The following DLG1 variants were observed in gnomAD, a reference collection of about 807,000 sequenced individuals.
DLG1 encodes discs large MAGUK scaffold protein 1.
A neutral mutation model predicts 123.4 loss-of-function variants in DLG1; 42 were observed. That is an observed-to-expected ratio of 0.34 (90% CI 0.27 to 0.44). The LOEUF (loss-of-function observed/expected upper bound fraction) is 0.44, where lower values mean the gene tolerates loss of function less well. Among genes scored for constraint, DLG1 ranks in the 20% least tolerant of loss-of-function variants. The pLI is 1.00. For synonymous variants in DLG1, 317 were observed against 356.2 expected (o/e 0.89, Z 1.24); for missense variants, 942 against 1,082.6 (o/e 0.87, Z 1.82).
intron 5 of DLG1, among the ~76,000 whole-genome samples, chr3:197,176,359 G>GGA (rs1561255521): frequency 6.6e-6 from 1 of 151,978 alleles, no homozygotes; most frequent in Non-Finnish European, 1.5e-5. Flanking sequence ...TGACTGTGGG[G>GGA]GCTGGATATT....
chr3:197,278,957 T>C (rs1404719937), intron 4 of DLG1, among the ~76,000 whole-genome samples: 1 of 152,238 alleles, frequency 6.6e-6, no homozygotes, highest in Non-Finnish European at 1.5e-5. Flanking sequence ...AGTACACAAG[T>C]ATAACCTAAA....
In DLG1 at chr3:197,210,552, A is replaced by C. The variant is rs1356867806; in HGVS notation, c.319-15963T>G. On this transcript the variant is annotated intron_variant, in intron 4 of 24. Transcript: ENST00000667157. ...GTTAGATGAAATCAAGAAATTCCCCAAAAAACACATCTTACCACACACCAT... is the reference window on the plus strand; with the variant it reads ...GTTAGATGAAATCAAGAAATTCCCCCAAAAACACATCTTACCACACACCAT... Among the ~76,000 whole-genome samples the C allele has an allele frequency of 2.8e-5, 4 of 144,008 alleles. 2 individuals carry two copies. The highest frequency in any genetic ancestry group is 3.9e-4 in the East Asian group (2 of 5,078). 94.5% of individuals were successfully genotyped at this position (144,008 alleles called of 152,430 possible). A position where few individuals can be genotyped will look rare whatever the true frequency, so the allele number is the denominator to read the frequency against.
intron 4 of DLG1, among the ~76,000 whole-genome samples, chr3:197,273,707 G>A (rs1377197072): frequency 6.6e-6 from 1 of 152,004 alleles, no homozygotes; most frequent in Non-Finnish European, 1.5e-5. Flanking sequence ...AGGGCTGAAA[G>A]GGGGGACTTG....
chr3:197,092,591 C>T (rs2149193873), intron 14 of DLG1, among the ~76,000 whole-genome samples: 1 of 152,172 alleles, frequency 6.6e-6, no homozygotes, highest in East Asian at 1.9e-4. Flanking sequence ...GGCTTGAGCT[C>T]CTGGGCTCAA....
chr3:197,061,879 T>C (rs900493459), intron 22 of DLG1, among the ~76,000 whole-genome samples: 1 of 152,360 alleles, frequency 6.6e-6, no homozygotes, highest in African/African-American at 2.4e-5. Flanking sequence ...CCTTTGTAAC[T>C]GATAAGTATT....
chr3:197,292,072 A>C (rs1047083539), intron 3 of DLG1, among the ~76,000 whole-genome samples: 2 of 152,202 alleles, frequency 1.3e-5, no homozygotes, highest in African/African-American at 4.8e-5. Context: ...GCCCTCAAAA[A>C]ATTAAAAATG....
chr3:197,297,662 C>G (rs897519908), intron 1 of DLG1: 1 of 991,916 alleles, frequency 1.0e-6, no homozygotes, highest in African/African-American at 1.7e-5. Context: ...GGGCCCCCTC[C>G]TCTCGCTTGC....
intron 14 of DLG1, among the ~76,000 whole-genome samples, chr3:197,099,014 AC>A (rs1479287884): frequency 2.6e-4 from 39 of 152,068 alleles, no homozygotes; most frequent in African/African-American, 9.2e-4. Flanking sequence ...TCCACATTTT[AC>A]CTATCCTGTG....
chr3:197,248,165 C>G lies in DLG1; in HGVS notation c.318+34514G>C, dbSNP rs1249397375. On this transcript the variant is annotated intron_variant, in intron 4 of 24. Transcript: ENST00000667157. ...ATACTTTACCACCCCTGCGGCTTTT[C>G]TTACCTTGGTATGTTCTGACCAAGA... is the stretch of plus-strand genomic sequence containing the variant. Among the ~76,000 whole-genome samples the G allele has an allele frequency of 3.9e-5, 6 of 152,200 alleles. No individual in the cohort carries two copies. In the South Asian group the frequency reaches 1.2e-3, roughly 32 times the overall value.
At chr3:197,214,776 A>C (rs1347750251) in intron 4 of DLG1, among the ~76,000 whole-genome samples, 3 of 152,200 alleles carry the variant, frequency 2.0e-5, no homozygotes, top group Non-Finnish European at 4.4e-5. Flanking sequence ...TTAAAAAACG[A>C]AAAAGAAAAA....
At chr3:197,134,802 T>A (rs1784310104) in intron 10 of DLG1, among the ~76,000 whole-genome samples, 1 of 152,188 alleles carries the variant, frequency 6.6e-6, no homozygotes. Flanking sequence ...TTGGGTGAAG[T>A]GTTGTGCCAT....
intron 5 of DLG1, among the ~76,000 whole-genome samples, chr3:197,191,718 G>A (rs1460700188): frequency 1.3e-5 from 2 of 152,096 alleles, no homozygotes; most frequent in Non-Finnish European, 2.9e-5. Context: ...CCCGTGCTGA[G>A]GTTCTTATGT....
At chr3:197,173,681 T>G (rs1324187574) in intron 5 of DLG1, among the ~76,000 whole-genome samples, 1 of 152,222 alleles carries the variant, frequency 6.6e-6, no homozygotes, top group East Asian at 1.9e-4. Flanking sequence ...GCAAACATTT[T>G]TGGAAATGAC....
At chr3:197,064,795 A>G (rs1250047233) in intron 22 of DLG1, among the ~76,000 whole-genome samples, 2 of 151,894 alleles carry the variant, frequency 1.3e-5, no homozygotes, top group East Asian at 3.9e-4. Context: ...GGTTAGATTT[A>G]TTGATCTTTC....
intron 22 of DLG1, among the ~76,000 whole-genome samples, chr3:197,062,058 C>T (rs1267504972): frequency 1.3e-5 from 2 of 152,126 alleles, no homozygotes; most frequent in Non-Finnish European, 2.9e-5. Context: ...CAGTCCAAAG[C>T]GTTCCCTTCT....
intron 4 of DLG1, among the ~76,000 whole-genome samples, chr3:197,198,710 T>C (rs1723998348): frequency 6.6e-6 from 1 of 151,784 alleles, no homozygotes; most frequent in Non-Finnish European, 1.5e-5. Flanking sequence ...TAAATGCAAA[T>C]CAAACCCATA....
intron 3 of DLG1, 25 bp downstream of exon 3, chr3:197,296,321 A>G (rs761601837): frequency 1.2e-6 from 2 of 1,606,034 alleles, no homozygotes; most frequent in Non-Finnish European, 8.5e-7. Context: ...AGCTGGCATA[A>G]TAGTTACGAA....
intron 15 of DLG1, among the ~76,000 whole-genome samples, chr3:197,087,372 TA>T (rs1027013415): frequency 6.6e-6 from 1 of 150,894 alleles, no homozygotes; most frequent in African/African-American, 2.4e-5. Context: ...ATACATTGAC[TA>T]AAAAAAACCC....
intron 24 of DLG1, among the ~76,000 whole-genome samples, chr3:197,046,364 A>C (rs930939768): frequency 2.6e-4 from 40 of 152,224 alleles, no homozygotes; most frequent in Non-Finnish European, 8.8e-5. Flanking sequence ...TAAACCAGGG[A>C]AACTGGGAAA....
Sources: allele counts gnomAD v4.1 joint callset (sites outside exome capture counted in the v4.1 genomes callset), GRCh38; gene constraint gnomAD v4.1.1; transcripts MANE v1.5; gene names NCBI Gene and HGNC (gene_info 2026-07-23, HGNC 2026-07-21).